Variants in OSBPL10 observed in about 807,000 individuals in gnomAD.
OSBPL10 encodes oxysterol-binding protein-related protein 10.
Under a neutral mutation model 81.7 loss-of-function variants are expected in OSBPL10, and 49 were observed. The ratio of observed to expected loss-of-function variants is 0.60; its 90% confidence interval spans 0.48 to 0.76. The LOEUF is 0.76. OSBPL10 is among the 30% of genes least tolerant of loss of function. OSBPL10 has a pLI of 0.00. For synonymous variants in OSBPL10, 419 were observed against 383.6 expected, an observed-to-expected ratio of 1.09 and a Z score of -1.08; for missense variants, 923 against 987.8, an observed-to-expected ratio of 0.93 and a Z score of 0.88.
chr3:31,713,585 T>TG (rs1177209449), intron 6 of OSBPL10, among the ~76,000 whole-genome samples: 1 of 152,006 alleles, frequency 6.6e-6, no homozygotes, highest in Non-Finnish European at 1.5e-5. Flanking sequence ...TTAGTAGAGA[T>TG]GGGGATTAGC....
intron 1 of OSBPL10, among the ~76,000 whole-genome samples, chr3:31,970,765 T>C (rs9826785): frequency 0.42 from 64,088 of 152,220 alleles, 16,069 homozygotes; most frequent in East Asian, 0.76. Context: ...TTGTGATCTG[T>C]GGTCTCAGCG....
intron 4 of OSBPL10, among the ~76,000 whole-genome samples, chr3:31,760,177 G>A (rs1156888488): frequency 6.6e-6 from 1 of 152,206 alleles, no homozygotes; most frequent in African/African-American, 2.4e-5. Context: ...AGGCTGAGGA[G>A]GAGGAGAATA....
chr3:31,686,272 A>G (rs2125554526), intron 7 of OSBPL10, among the ~76,000 whole-genome samples: 1 of 152,352 alleles, frequency 6.6e-6, no homozygotes, highest in Admixed American at 6.5e-5. Context: ...GCAACACTAA[A>G]GGGACTAATA....
chr3:31,743,669 A>C (rs1307386086), intron 5 of OSBPL10, among the ~76,000 whole-genome samples: 1 of 140,276 alleles, frequency 7.1e-6, no homozygotes, highest in African/African-American at 2.4e-5. Flanking sequence ...GAAGGAAAAA[A>C]AAACAGTGCA....
chr3:31,947,720 A>G (rs1286395061), intron 1 of OSBPL10, among the ~76,000 whole-genome samples: 2 of 152,200 alleles, frequency 1.3e-5, no homozygotes, highest in Non-Finnish European at 2.9e-5. Context: ...TGAGCACAGT[A>G]TGACAGGCTG....
At chr3:32,010,759 C>T (rs868007560) in intron 2 of OSBPL10, among the ~76,000 whole-genome samples, 23 of 152,182 alleles carry the variant, frequency 1.5e-4, no homozygotes, top group South Asian at 4.1e-4. Flanking sequence ...TGCGATTTTC[C>T]GACAGTCTTA....
chr3:31,930,193 C>T (rs1309094853), intron 1 of OSBPL10, among the ~76,000 whole-genome samples: 1 of 151,660 alleles, frequency 6.6e-6, no homozygotes, highest in Non-Finnish European at 1.5e-5. Flanking sequence ...AAACAGTTCA[C>T]AGATAAGGAT....
chr3:31,733,071 CAGACACA>C, intron 6 of OSBPL10, 179 bp downstream of exon 6: 3 of 714,758 alleles, frequency 4.2e-6, no homozygotes, highest in Non-Finnish European at 6.8e-6. Flanking sequence ...CAGCAGCTGC[CAGACACA>C]AGAACATGAG....
At chr3:31,698,772 A>G (rs982056425) in intron 7 of OSBPL10, among the ~76,000 whole-genome samples, 9 of 152,200 alleles carry the variant, frequency 5.9e-5, no homozygotes, top group African/African-American at 1.9e-4. Flanking sequence ...GGTCTCCACT[A>G]GAATGTTACC....
At chr3:31,754,074 T>C (rs1310170001) in intron 4 of OSBPL10, among the ~76,000 whole-genome samples, 1 of 152,190 alleles carries the variant, frequency 6.6e-6, no homozygotes, top group Non-Finnish European at 1.5e-5. Context: ...GCCGACTTTT[T>C]CTACCTGACA....
intron 1 of OSBPL10, among the ~76,000 whole-genome samples, chr3:32,072,036 T>C (rs889581016): frequency 6.6e-6 from 1 of 152,148 alleles, no homozygotes; most frequent in Non-Finnish European, 1.5e-5. Flanking sequence ...TCTGCCCCCC[T>C]CTACTACCTC....
At chr3:31,795,600 G>A (rs553740710) in intron 4 of OSBPL10, 143 of 195,422 alleles carry the variant, frequency 7.3e-4, no homozygotes, top group Non-Finnish European at 1.3e-3. Flanking sequence ...GATCTTATGA[G>A]TGTGGACAAT....
At chr3:32,016,095 G>A (rs576068736) in intron 2 of OSBPL10, among the ~76,000 whole-genome samples, 11 of 151,980 alleles carry the variant, frequency 7.2e-5, no homozygotes, top group Admixed American at 1.3e-4. Context: ...TCCATTACTG[G>A]GTATATACCC....
intron 2 of OSBPL10, among the ~76,000 whole-genome samples, chr3:31,995,566 AAC>A (rs1337168348): frequency 6.6e-6 from 1 of 152,166 alleles, no homozygotes; most frequent in East Asian, 1.9e-4. Flanking sequence ...ATATTGTTCA[AAC>A]ACACATGTTT....
At chr3:31,931,116 C>CAAT (rs2125720910) in intron 1 of OSBPL10, among the ~76,000 whole-genome samples, 1 of 150,562 alleles carries the variant, frequency 6.6e-6, no homozygotes, top group African/African-American at 2.4e-5. Context: ...TAGAAGAAAC[C>CAAT]AATAACACTG....
chr3:31,879,920 C>T, intron 1 of OSBPL10, 90 bp from the exon 2 acceptor site: 3 of 1,314,992 alleles, frequency 2.3e-6, no homozygotes, highest in South Asian at 3.0e-5. Context: ...CAGAAGTCAA[C>T]ATCAAGACTC....
At chr3:31,677,482 G>T (rs1432898225) in intron 8 of OSBPL10, among the ~76,000 whole-genome samples, 4 of 152,180 alleles carry the variant, frequency 2.6e-5, no homozygotes, top group Admixed American at 6.5e-5. Context: ...GCCTTTCACA[G>T]TCTCTCTCCA....
intron 1 of OSBPL10, among the ~76,000 whole-genome samples, chr3:31,980,480 G>A (rs1422341664): frequency 6.6e-6 from 1 of 152,190 alleles, no homozygotes; most frequent in Non-Finnish European, 1.5e-5. Context: ...ACTGTAATCG[G>A]AGCGGACGTG....
At chr3:31,799,641 T>G (rs1202784983) in intron 4 of OSBPL10, among the ~76,000 whole-genome samples, 2 of 152,100 alleles carry the variant, frequency 1.3e-5, no homozygotes, top group African/African-American at 4.8e-5. Flanking sequence ...CTGAAAACAT[T>G]TATTAACCTC....
Sources: allele counts gnomAD v4.1 joint callset (sites outside exome capture counted in the v4.1 genomes callset), GRCh38; gene constraint gnomAD v4.1.1; transcripts MANE v1.5; gene names NCBI Gene and HGNC (gene_info 2026-07-23, HGNC 2026-07-21).